The following CSMD1 variants were observed in gnomAD, a reference collection of about 807,000 sequenced individuals.
The protein encoded by CSMD1 is CUB and sushi domain-containing protein 1.
A neutral mutation model predicts 417.5 loss-of-function variants in CSMD1; 213 were observed. The observed-to-expected ratio is 0.51, with a 90% CI of 0.46 to 0.57. The LOEUF is 0.57. Ranked by LOEUF, CSMD1 falls within the 20% of genes least tolerant of loss-of-function variation. The pLI is 0.00. For synonymous variants in CSMD1, 2,862 were observed against 1,736.8 expected, an observed-to-expected ratio of 1.65 and a Z score of -16.11; for missense variants, 6,923 against 4,529.7, an observed-to-expected ratio of 1.53 and a Z score of -15.17.
intron 1 of CSMD1, among the ~76,000 whole-genome samples, chr8:4,782,877 T>C (rs1056992176): frequency 4.6e-5 from 7 of 152,076 alleles, no homozygotes; most frequent in Admixed American, 2.0e-4. Context: ...AAAAGCTTTA[T>C]GATGTACATG....
intron 3 of CSMD1, among the ~76,000 whole-genome samples, chr8:4,050,525 G>A (rs1027764605): frequency 2.0e-5 from 3 of 151,976 alleles, no homozygotes; most frequent in Admixed American, 6.6e-5. Context: ...TCCTGGAGGG[G>A]TAAATCTTTA....
intron 25 of CSMD1, chr8:3,284,630 A>G (rs1002286967): frequency 3.3e-5 from 13 of 389,362 alleles, no homozygotes; most frequent in Non-Finnish European, 5.3e-5. Context: ...ATTGCTTTTG[A>G]GACTTCCAGA....
rs777997037 is a variant in CSMD1, at chr8:3,616,748, C to A, written c.1059G>T (p.Gly353=). 4 of 1,612,536 alleles carry A rather than the reference C, an allele frequency of 2.5e-6. No homozygotes were observed. Among genetic ancestry groups the A allele is most frequent in the Non-Finnish European group, 3.4e-6 (4 of 1,179,164 alleles). ...CTGCTCTTCTACCATTTTCTGGAAT[C>A]CCAGGATCTGGACACATGTCAGAGA... The part of the protein sequence containing the change: ...ALVSDMCPDP[G]IPENGRRAGS... Residue 353 remains glycine, a synonymous_variant, in exon 8 of 70, where the codon GGG becomes GGT. Transcript: ENST00000635120.
intron 2 of CSMD1, among the ~76,000 whole-genome samples, chr8:4,490,841 C>A (rs539297770): frequency 3.2e-4 from 48 of 152,306 alleles, no homozygotes; most frequent in Non-Finnish European, 4.4e-5. Flanking sequence ...AACACATTAT[C>A]CTCTTGCTTA....
intron 10 of CSMD1, among the ~76,000 whole-genome samples, chr8:3,549,960 C>A (rs1798837916): frequency 6.6e-6 from 1 of 152,178 alleles, no homozygotes; most frequent in South Asian, 2.1e-4. Context: ...AATTAGGTAT[C>A]TTGGATCTAG....
At chr8:3,841,747 G>A (rs1261056397) in intron 5 of CSMD1, among the ~76,000 whole-genome samples, 1 of 151,780 alleles carries the variant, frequency 6.6e-6, no homozygotes, top group African/African-American at 2.4e-5. Flanking sequence ...AGCTTTAACT[G>A]AGCTACATTA....
intron 54 of CSMD1, among the ~76,000 whole-genome samples, chr8:2,992,727 C>G (rs933480894): frequency 1.3e-5 from 2 of 151,012 alleles, no homozygotes; most frequent in Admixed American, 1.3e-4. Context: ...GCCCAGCAAA[C>G]TAGGTCTAGT....
intron 18 of CSMD1, among the ~76,000 whole-genome samples, chr8:3,380,169 C>T (rs1353780610): frequency 6.6e-6 from 1 of 152,156 alleles, no homozygotes; most frequent in Non-Finnish European, 1.5e-5. Flanking sequence ...TAGAGAAATG[C>T]ACATCGAAAC....
At chr8:4,201,783 T>A (rs569902041) in intron 3 of CSMD1, among the ~76,000 whole-genome samples, 3 of 151,430 alleles carry the variant, frequency 2.0e-5, no homozygotes, top group Admixed American at 2.0e-4. Context: ...GAGGTTTATG[T>A]ACCTAACCTC....
intron 5 of CSMD1, among the ~76,000 whole-genome samples, chr8:3,969,831 G>C (rs1445020207): frequency 6.6e-6 from 1 of 152,132 alleles, no homozygotes; most frequent in Admixed American, 6.5e-5. Context: ...ATTTTTAAAT[G>C]AAGTATCCAT....
chr8:4,285,984 C>G (rs1031750913), intron 3 of CSMD1, among the ~76,000 whole-genome samples: 7 of 152,274 alleles, frequency 4.6e-5, no homozygotes, highest in African/African-American at 1.7e-4. Flanking sequence ...AGTGAGTCAC[C>G]TTTACCTCTG....
chr8:3,983,146 T>C lies in CSMD1; in HGVS notation c.818+14757A>G, dbSNP rs1814024224. 1.3e-5 allele frequency among the ~76,000 whole-genome samples: 2 copies of C among 150,180 alleles called. 1 individual carries two copies. Among genetic ancestry groups the C allele is most frequent in the South Asian group, 4.2e-4 (2 of 4,712 alleles). On this transcript the variant is annotated intron_variant, in intron 5 of 69. Transcript: ENST00000635120. ...CCACATCTTTCTTTCTTTTTTTTTT[T>C]TTGAGACGGACTCTCGCTCTGTCAC...
chr8:4,611,190 A>C (rs1801148676), intron 2 of CSMD1, among the ~76,000 whole-genome samples: 1 of 152,154 alleles, frequency 6.6e-6, no homozygotes, highest in Admixed American at 6.5e-5. Context: ...CATCTGGGCG[A>C]GTGTATACAC....
intron 1 of CSMD1, among the ~76,000 whole-genome samples, chr8:4,871,803 A>G (rs1227037582): frequency 6.6e-6 from 1 of 152,098 alleles, no homozygotes; most frequent in African/African-American, 2.4e-5. Context: ...CACTTTTGAA[A>G]AACCTTTCCA....
intron 7 of CSMD1, among the ~76,000 whole-genome samples, chr8:3,640,268 G>A (rs1411175901): frequency 2.6e-5 from 4 of 152,148 alleles, no homozygotes; most frequent in African/African-American, 4.8e-5. Context: ...ATTCACTGAG[G>A]TAATGAGCCT....
chr8:3,196,409 T>A (rs777335612), intron 33 of CSMD1, among the ~76,000 whole-genome samples: 1 of 152,182 alleles, frequency 6.6e-6, no homozygotes, highest in Admixed American at 6.5e-5. Context: ...CTTTATTCCT[T>A]AACTTTCCTA....
intron 1 of CSMD1, among the ~76,000 whole-genome samples, chr8:4,747,678 G>A (rs1296052162): frequency 6.6e-6 from 1 of 152,028 alleles, no homozygotes; most frequent in Non-Finnish European, 1.5e-5. Flanking sequence ...CATGCCTTGT[G>A]GCACAAGGCT....
chr8:4,800,596 C>T (rs1421750737), intron 1 of CSMD1, among the ~76,000 whole-genome samples: 1 of 152,172 alleles, frequency 6.6e-6, no homozygotes, highest in Non-Finnish European at 1.5e-5. Context: ...CAGGGAAGGA[C>T]GCCTAGCAAA....
At chr8:3,797,366 C>T (rs930730476) in intron 5 of CSMD1, among the ~76,000 whole-genome samples, 1 of 151,948 alleles carries the variant, frequency 6.6e-6, no homozygotes, top group Admixed American at 6.6e-5. Flanking sequence ...AGAGCCCACA[C>T]CCCGGATGCA....
Sources: gnomAD v4.1 joint callset for allele counts (sites outside exome capture counted in the v4.1 genomes callset) on GRCh38, gnomAD v4.1.1 for gene constraint, MANE v1.5 for transcripts, NCBI Gene and HGNC (gene_info 2026-07-23, HGNC 2026-07-21) for gene names.